Variants in SLC22A24 observed in about 807,000 individuals in gnomAD.
The protein encoded by SLC22A24 is solute carrier family 22 member 24, also known as steroid transmembrane transporter SLC22A24.
A neutral mutation model predicts 49.8 loss-of-function variants in SLC22A24; 53 were observed. The observed-to-expected ratio is 1.06, with a 90% CI of 0.85 to 1.34. The LOEUF (loss-of-function observed/expected upper bound fraction) is 1.34. Among genes scored for constraint, SLC22A24 ranks in the 40% most tolerant of loss-of-function variants. SLC22A24 has a pLI of 0.00. For synonymous variants in SLC22A24, 302 were observed against 256.4 expected, an observed-to-expected ratio of 1.18 and a Z score of -1.70; for missense variants, 786 against 675.9, an observed-to-expected ratio of 1.16 and a Z score of -1.81.
chr11:63,107,607 T>TA (rs1353378268), intron 4 of SLC22A24, among the ~76,000 whole-genome samples: 3 of 152,158 alleles, frequency 2.0e-5, no homozygotes, highest in Non-Finnish European at 4.4e-5. Context: ...TTTTATTTTT[T>TA]TTGAGCAGTG....
intron 2 of SLC22A24, among the ~76,000 whole-genome samples, chr11:63,121,786 G>A (rs982691896): frequency 2.6e-5 from 4 of 151,778 alleles, no homozygotes; most frequent in East Asian, 3.9e-4. Context: ...TATCCCTCCC[G>A]ACTCCCCGCC....
intron 6 of SLC22A24, among the ~76,000 whole-genome samples, chr11:63,094,324 G>A (rs1265499039): frequency 6.6e-6 from 1 of 151,904 alleles, no homozygotes; most frequent in Non-Finnish European, 1.5e-5. Context: ...CATTTTTTAT[G>A]GCTGCATAGT....
In SLC22A24 at chr11:63,143,869, C is replaced by T; in HGVS notation, c.-90G>A. 7.3e-6 allele frequency: 8 copies of T among 1,102,590 alleles called. No individual in the cohort carries two copies. Among genetic ancestry groups the T allele is most frequent in the Non-Finnish European group, 9.4e-6 (8 of 850,122 alleles). The allele number at this position is 1,102,590 out of a possible 1,614,324, so 68.3% of individuals were successfully genotyped here. A position where few individuals can be genotyped will look rare whatever the true frequency, so the allele number is the denominator to read the frequency against. The stretch of plus-strand genomic sequence containing the variant: ...GAAAATGTCCCCTTTCACAAAGTTA[C>T]CATAGTGCCATGTGGATCCTGACAC... On this transcript the variant is annotated 5_prime_UTR_variant, in exon 1 of 10. It introduces an in-frame stop codon into an upstream open reading frame of the 5' UTR. Transcript: ENST00000612278.
chr11:63,143,083 T>C (rs1031567806), intron 1 of SLC22A24, among the ~76,000 whole-genome samples: 1 of 152,190 alleles, frequency 6.6e-6, no homozygotes, highest in Non-Finnish European at 1.5e-5. Flanking sequence ...CAAAAATGTG[T>C]TGATTGTAAT....
At chr11:63,124,435 A>G (rs913598620) in intron 2 of SLC22A24, among the ~76,000 whole-genome samples, 1 of 152,348 alleles carries the variant, frequency 6.6e-6, no homozygotes, top group African/African-American at 2.4e-5. Context: ...AGAAGTGAGC[A>G]ACATATTCTT....
At chr11:63,098,774 T>A (rs527828833) in intron 5 of SLC22A24, among the ~76,000 whole-genome samples, 39 of 151,272 alleles carry the variant, frequency 2.6e-4, no homozygotes, top group Non-Finnish European at 5.3e-4. Flanking sequence ...ATAGTAGAAG[T>A]AACAAAGATC....
chr11:63,111,041 G>C (rs1399826773), intron 4 of SLC22A24, among the ~76,000 whole-genome samples: 1 of 152,076 alleles, frequency 6.6e-6, no homozygotes, highest in Non-Finnish European at 1.5e-5. Flanking sequence ...CTAATTTATT[G>C]AGAGTTTTTA....
intron 2 of SLC22A24, among the ~76,000 whole-genome samples, chr11:63,126,812 G>A (rs1461533819): frequency 6.6e-6 from 1 of 152,068 alleles, no homozygotes; most frequent in African/African-American, 2.4e-5. Flanking sequence ...TTTTCCATTT[G>A]TTGGTGTCCT....
intron 2 of SLC22A24, among the ~76,000 whole-genome samples, chr11:63,131,194 G>T (rs1471963344): frequency 6.6e-6 from 1 of 151,770 alleles, no homozygotes; most frequent in East Asian, 1.9e-4. Flanking sequence ...GGTTTCCTGA[G>T]TATAGCACAC....
intron 2 of SLC22A24, among the ~76,000 whole-genome samples, chr11:63,130,228 G>T (rs1317863142): frequency 6.6e-6 from 1 of 152,228 alleles, no homozygotes; most frequent in East Asian, 1.9e-4. Flanking sequence ...CATCTATTGA[G>T]ATAATCATGT....
rs1352660177 is a variant in SLC22A24 at position 63,083,355 on chromosome 11, T to C, written c.1173A>G (p.Thr391=). 2.6e-6 allele frequency: 4 copies of C among 1,553,258 alleles called. No individual in the cohort carries two copies. In the East Asian group the frequency reaches 9.7e-5, roughly 38 times the overall value. The change falls in exon 7 of 10, where the codon ACA becomes ACG. Residue 391 remains threonine, a synonymous_variant. Coordinates refer to ENST00000612278, the MANE Select transcript of SLC22A24 (RefSeq NM_001136506.2). ...GTGTCAAAAGGGAAACACATCTGGC[T>C]GTGAATGTGACAGCTCCACAGAGAA... is the stretch of plus-strand genomic sequence containing the variant. ...FQILCGAVTF[T]ARCVSLLTLN...
intron 4 of SLC22A24, among the ~76,000 whole-genome samples, chr11:63,111,177 C>A (rs927795174): frequency 6.6e-6 from 1 of 151,926 alleles, no homozygotes; most frequent in African/African-American, 2.4e-5. Context: ...GTTGAACCAG[C>A]CTTGCATCCC....
chr11:63,109,567 T>C (rs2087147258), intron 4 of SLC22A24, among the ~76,000 whole-genome samples: 1 of 148,182 alleles, frequency 6.7e-6, no homozygotes, highest in Non-Finnish European at 1.5e-5. Context: ...TATCTCATTG[T>C]GGTTTTGATT....
chr11:63,083,306 T>C lies in SLC22A24; in HGVS notation c.1222A>G (p.Ser408Gly). ...ACCGGGAACGTGAACAATATCTGGC[T>C]TATTCGACGACCCATATGATTCAGT... is the stretch of plus-strand genomic sequence containing the variant. ...LTLNHMGRRI[S>G]QILFTFPVGL... is the part of the protein sequence containing the mutation. The change falls in exon 7 of 10, where the codon AGC becomes GGC. Residue 408 changes from serine (S) to glycine (G), a missense_variant. Coordinates refer to ENST00000612278, the MANE Select transcript of SLC22A24 (RefSeq NM_001136506.2). 1 of 1,560,858 alleles carries C rather than the reference T, an allele frequency of 6.4e-7. No individual in the cohort carries two copies. The highest frequency in any genetic ancestry group is 8.7e-7 in the Non-Finnish European group (1 of 1,151,352).
chr11:63,092,722 C>T (rs2087028527), intron 6 of SLC22A24, among the ~76,000 whole-genome samples: 1 of 150,092 alleles, frequency 6.7e-6, no homozygotes, highest in South Asian at 2.1e-4. Flanking sequence ...AATGTAAAAC[C>T]CCAAAACCAT....
intron 4 of SLC22A24, among the ~76,000 whole-genome samples, chr11:63,108,377 A>G (rs368429040): frequency 8.5e-5 from 13 of 152,164 alleles, no homozygotes; most frequent in East Asian, 5.8e-4. Flanking sequence ...TTCATCAGGG[A>G]TATTGGTCTA....
chr11:63,093,390 C>T (rs1417946467), intron 6 of SLC22A24, among the ~76,000 whole-genome samples: 3 of 152,190 alleles, frequency 2.0e-5, no homozygotes, highest in East Asian at 3.9e-4. Flanking sequence ...AACACATGCA[C>T]ACGTATGTTT....
intron 4 of SLC22A24, chr11:63,116,436 C>T (rs1042653381): frequency 2.5e-5 from 4 of 159,428 alleles, no homozygotes; most frequent in Non-Finnish European, 4.1e-5. Flanking sequence ...CACTGCCTTG[C>T]AGACTCTGTT....
At chr11:63,135,648 TTG>T (rs1172773195) in intron 1 of SLC22A24, among the ~76,000 whole-genome samples, 5 of 152,342 alleles carry the variant, frequency 3.3e-5, no homozygotes, top group Admixed American at 3.3e-4. Flanking sequence ...CTTTATTTTT[TTG>T]CTAATGACTT....
Sources: allele counts gnomAD v4.1 joint callset (sites outside exome capture counted in the v4.1 genomes callset), GRCh38; gene constraint gnomAD v4.1.1; transcripts MANE v1.5; gene names NCBI Gene and HGNC (gene_info 2026-07-23, HGNC 2026-07-21).